Variants in SMG5 observed in about 807,000 individuals in gnomAD.
SMG5 encodes SMG5 nonsense mediated mRNA decay factor.
SMG5 carries 53 observed loss-of-function variants against 122.9 expected under a neutral mutation model. The ratio of observed to expected loss-of-function variants is 0.43; its 90% CI spans 0.35 to 0.54. The LOEUF (loss-of-function observed/expected upper bound fraction) is 0.54. Among genes scored for constraint, SMG5 ranks in the 20% least tolerant of loss-of-function variants. SMG5 has a pLI of 0.01. For synonymous variants in SMG5, 477 were observed against 490.2 expected (o/e 0.97, Z 0.35); for missense variants, 1,153 against 1,285.6 (o/e 0.90, Z 1.58).
At chr1:156,266,464 C>T (rs978500278) in intron 11 of SMG5, 77 bp downstream of exon 11, 70 of 1,605,996 alleles carry the variant, frequency 4.4e-5, no homozygotes, top group Middle Eastern at 1.7e-4. Flanking sequence ...CCACTTCCCC[C>T]GAGTCTGTGT....
chr1:156,287,049 G>A (rs867906155), upstream of SMG5, among the ~76,000 whole-genome samples: 13 of 152,134 alleles, frequency 8.5e-5, no homozygotes, highest in African/African-American at 2.4e-4. Context: ...CTTGAGTCCA[G>A]GAGGTGGAGA....
intron 19 of SMG5, 44 bp downstream of exon 19, chr1:156,252,370 G>A: frequency 6.3e-7 from 1 of 1,590,028 alleles, no homozygotes; most frequent in Non-Finnish European, 8.6e-7. Flanking sequence ...TTATCCAAAA[G>A]ACAGACCCAG....
rs145372199 is a variant in SMG5 at position 156,273,346 on chromosome 1, T to G, written c.634+15A>C. On this transcript the variant is annotated intron_variant, in intron 6 of 21. Coordinates refer to ENST00000361813, the MANE Select transcript of SMG5 (RefSeq NM_015327.3). ...ACCCTACTGGATTCAGAGGCCCAAG[T>G]TGGGGACAACTTACCAATCTGAGGA... The G allele has an allele frequency of 2.1e-3, 3,403 of 1,611,662 alleles. 11 individuals are homozygous for G. The highest frequency in any genetic ancestry group is 0.014 in the Middle Eastern group (72 of 5,276).
rs1014595776 is a variant in SMG5, at chr1:156,250,106, G to A, written c.*481C>T. The A allele has an allele frequency of 1.1e-5, 4 of 372,482 alleles. No homozygotes were observed. The highest frequency in any genetic ancestry group is 8.5e-5 in the African/African-American group (4 of 47,102). 23.1% of individuals were successfully genotyped at this position (372,482 alleles called of 1,614,324 possible). A position where few individuals can be genotyped will look rare whatever the true frequency, so the allele number is the denominator to read the frequency against. On this transcript the variant is annotated 3_prime_UTR_variant, in exon 22 of 22. Coordinates refer to ENST00000361813, the MANE Select transcript of SMG5 (RefSeq NM_015327.3). The stretch of plus-strand genomic sequence containing the variant: ...AAGGAGGATGGGTGATCCTTGAGGA[G>A]GGGAAGGGTCTGCAGAGAATCACTC...
intron 21 of SMG5, 88 bp downstream of exon 21, chr1:156,250,770 G>C: frequency 6.2e-7 from 1 of 1,603,678 alleles, no homozygotes; most frequent in South Asian, 1.1e-5. Context: ...GAGAAAAAAA[G>C]GTAGCTATGT....
intron 9 of SMG5, 145 bp from the exon 10 acceptor site, chr1:156,267,823 A>C: frequency 1.3e-6 from 1 of 761,604 alleles, no homozygotes; most frequent in South Asian, 1.8e-5. Context: ...TGCTGGATTG[A>C]TCTCCATAGC....
In SMG5 at chr1:156,273,395, A is replaced by G. The variant is rs745715799; in HGVS notation, c.600T>C (p.Phe200=). The G allele has an allele frequency of 6.2e-7, 1 of 1,614,040 alleles. No homozygotes were observed. The highest frequency in any genetic ancestry group is 8.5e-7 in the Non-Finnish European group (1 of 1,180,006). The change falls in exon 6 of 22, where the codon TTT becomes TTC. Residue 200 remains phenylalanine, a synonymous_variant. Transcript: ENST00000361813. The part of the protein sequence containing the change: ...GVDTELLAER[F]YYQALSVAPQ... ...GAGCTACTGACAGGGCTTGGTAGTA[A>G]AATCTCTCGGCTAGCAGCTCGGTAT...
chr1:156,278,962 T>C lies in SMG5; in HGVS notation c.147A>G (p.Lys49=). The C allele has an allele frequency of 6.2e-7, 1 of 1,614,166 alleles. No homozygotes were observed. Residue 49 remains lysine (K), a synonymous_variant, in exon 2 of 22, where the codon AAA becomes AAG. Transcript: ENST00000361813. ...TGTTCCTCAGGCTAATGTTTTCTGG[T>C]TTGAATACTTCTTGATAAGCAGTTT... ...CNKTAYQEVF[K]PENISLRNKL...
chr1:156,269,842 T>TC (rs2101545432), intron 7 of SMG5, among the ~76,000 whole-genome samples: 1 of 149,744 alleles, frequency 6.7e-6, no homozygotes, highest in South Asian at 2.1e-4. Flanking sequence ...GCCACTGCAC[T>TC]CCAGCCTGTG....
chr1:156,285,276 C>G, upstream of SMG5: 1 of 1,567,684 alleles, frequency 6.4e-7, no homozygotes, highest in Non-Finnish European at 8.6e-7. Context: ...AGGTCTGATT[C>G]CCCAGAGAAG....
upstream of SMG5, among the ~76,000 whole-genome samples, chr1:156,283,654 G>T (rs1196662520): frequency 4.6e-5 from 7 of 152,194 alleles, no homozygotes; most frequent in African/African-American, 1.7e-4. Context: ...GTTTTTGCCT[G>T]TGTATGAATT....
At chr1:156,267,735 G>A (rs567417914) in intron 9 of SMG5, 57 bp from the exon 10 acceptor site, 1 of 1,431,696 alleles carries the variant, frequency 7.0e-7, no homozygotes, top group Non-Finnish European at 9.6e-7. Context: ...GGAAGGAGAA[G>A]AGCAGGGAAT....
At chr1:156,268,548 T>G (rs1572588804) in intron 7 of SMG5, 133 bp from the exon 8 acceptor site, 4 of 1,148,640 alleles carry the variant, frequency 3.5e-6, no homozygotes, top group Non-Finnish European at 4.9e-6. Context: ...ATACGCAGGG[T>G]AAAAGGCTCA....
At chr1:156,281,710 C>G (rs940738036) in intron 1 of SMG5, among the ~76,000 whole-genome samples, 1 of 152,232 alleles carries the variant, frequency 6.6e-6, no homozygotes, top group African/African-American at 2.4e-5. Context: ...AAACTCTACT[C>G]TGTAGTAGAA....
rs1326051285 is a variant in SMG5, at chr1:156,249,462, G to A, written c.*1125C>T. On this transcript the variant is annotated 3_prime_UTR_variant, in exon 22 of 22. Transcript: ENST00000361813. ...CCTGTGCTATCCTCCCAGCCTGAGG[G>A]GGAGGAGCTGAGGCAATCCTGGCTG... 3 of 342,992 alleles carry A rather than the reference G, an allele frequency of 8.7e-6. No homozygotes were observed. The highest frequency in any genetic ancestry group is 2.2e-5 in the South Asian group (1 of 44,624). 21.2% of individuals were successfully genotyped at this position (342,992 alleles called of 1,614,324 possible). A position where few individuals can be genotyped will look rare whatever the true frequency, so the allele number is the denominator to read the frequency against.
At position 156,273,410 on chromosome 1, in the gene SMG5, C is replaced by G. The variant is rs1448907413; in HGVS notation, c.585G>C (p.Leu195=). 1 of 1,613,974 alleles carries G rather than the reference C, an allele frequency of 6.2e-7. No homozygotes were observed. The highest frequency in any genetic ancestry group is 1.3e-5 in the African/African-American group (1 of 74,900). Residue 195 remains leucine (L), a synonymous_variant, in exon 6 of 22, where the codon CTG becomes CTC. Coordinates refer to ENST00000361813, the MANE Select transcript of SMG5 (RefSeq NM_015327.3). ...QNELAGVDTE[L]LAERFYYQAL... is the part of the protein sequence containing the mutation. ...CTTGGTAGTAAAATCTCTCGGCTAG[C>G]AGCTCGGTATCTACGCCAGCTAATT...
At chr1:156,260,254 TAGA>T (rs1163932979) in intron 15 of SMG5, among the ~76,000 whole-genome samples, 194 bp downstream of exon 15, 1 of 152,102 alleles carries the variant, frequency 6.6e-6, no homozygotes, top group Non-Finnish European at 1.5e-5. Context: ...GGCAGACCTT[TAGA>T]AGGACTGCCA....
upstream of SMG5, among the ~76,000 whole-genome samples, chr1:156,283,347 A>G (rs1025460032): frequency 6.6e-6 from 1 of 152,234 alleles, no homozygotes; most frequent in Non-Finnish European, 1.5e-5. Flanking sequence ...TCCAGCTTGC[A>G]TATCTATCTC....
At chr1:156,282,938 AC>A, upstream of SMG5, 2 of 548,460 alleles carry the variant, frequency 3.6e-6, no homozygotes, top group Non-Finnish European at 6.4e-6. Flanking sequence ...AGTTGCCAGA[AC>A]TAACTCTGGG....
Sources: gnomAD v4.1 joint callset for allele counts (sites outside exome capture counted in the v4.1 genomes callset) on GRCh38, gnomAD v4.1.1 for gene constraint, MANE v1.5 for transcripts, NCBI Gene and HGNC (gene_info 2026-07-23, HGNC 2026-07-21) for gene names.